PHLDB2: variants seen among roughly 807,000 people sequenced by gnomAD.
The protein encoded by PHLDB2 is pleckstrin homology-like domain family B member 2.
A neutral mutation model predicts 123.6 loss-of-function variants in PHLDB2; 71 were observed. The observed-to-expected ratio is 0.57, with a 90% confidence interval of 0.47 to 0.70. PHLDB2 has a LOEUF of 0.70. PHLDB2 is among the 30% of genes least tolerant of loss of function. PHLDB2 has a pLI of 0.00. For missense variants in PHLDB2, 1,446 were observed against 1,519.5 expected, an observed-to-expected ratio of 0.95 and a Z score of 0.80; for synonymous variants, 547 against 541.6, an observed-to-expected ratio of 1.01 and a Z score of -0.14.
At chr3:111,840,890 A>T (rs2063662008) in intron 1 of PHLDB2, among the ~76,000 whole-genome samples, 1 of 152,182 alleles carries the variant, frequency 6.6e-6, no homozygotes. Context: ...TGCCTCTCAC[A>T]TTATAATAAT....
At chr3:111,927,232 C>G (rs1024553534) in intron 5 of PHLDB2, among the ~76,000 whole-genome samples, 1 of 43,720 alleles carries the variant, frequency 2.3e-5, no homozygotes, top group African/African-American at 5.0e-5. Flanking sequence ...ATGGACCTCC[C>G]TTAAAAATGA....
At position 111,891,326 on chromosome 3, in the gene PHLDB2, C is replaced by T. The variant is rs1229296730; in HGVS notation, c.1335+5914C>T. Among the ~76,000 whole-genome samples, 6 of 152,190 alleles carry T rather than the reference C, an allele frequency of 3.9e-5. No individual in the cohort carries two copies. The East Asian group carries it at 7.7e-4, about 20-fold the overall frequency. On this transcript the variant is annotated intron_variant, in intron 2 of 17. Coordinates refer to ENST00000431670, the MANE Select transcript of PHLDB2 (RefSeq NM_001134438.2). ...ATTTCCAGCCACTCCCCATCACTCA[C>T]GTTACTGCCTGAGCTCCAACTCCTG...
chr3:111,811,430 G>T (rs1168250439), intron 1 of PHLDB2, among the ~76,000 whole-genome samples: 1 of 152,072 alleles, frequency 6.6e-6, no homozygotes, highest in Non-Finnish European at 1.5e-5. Context: ...TTTCTCACTG[G>T]CAAATTAAAG....
chr3:111,780,368 A>G (rs1408343478), intron 1 of PHLDB2, among the ~76,000 whole-genome samples: 3 of 37,608 alleles, frequency 8.0e-5, no homozygotes, highest in Admixed American at 3.5e-4. Flanking sequence ...GAAGAAGAAG[A>G]AGAAGAAGAA....
intron 1 of PHLDB2, among the ~76,000 whole-genome samples, chr3:111,808,904 A>G (rs1331780882): frequency 6.6e-6 from 1 of 152,206 alleles, no homozygotes; most frequent in East Asian, 1.9e-4. Context: ...TTAGAACTCT[A>G]CTACTAGTAC....
At chr3:111,956,809 A>G (rs1251389558) in intron 12 of PHLDB2, among the ~76,000 whole-genome samples, 2 of 152,182 alleles carry the variant, frequency 1.3e-5, no homozygotes, top group African/African-American at 4.8e-5. Context: ...CCCAGGAGGG[A>G]TGGATCATAA....
intron 2 of PHLDB2, among the ~76,000 whole-genome samples, chr3:111,905,357 ATTTAT>A (rs1296198293): frequency 6.6e-6 from 1 of 150,472 alleles, no homozygotes; most frequent in African/African-American, 2.5e-5. Context: ...TTTTTAAGTC[ATTTAT>A]TTATTTATTT....
intron 12 of PHLDB2, among the ~76,000 whole-genome samples, chr3:111,954,959 G>A (rs1007268238): frequency 2.6e-5 from 4 of 152,026 alleles, no homozygotes; most frequent in Admixed American, 6.6e-5. Context: ...AAGCAGGCTG[G>A]AATTCGATTC....
chr3:111,920,274 G>T lies in PHLDB2; in HGVS notation c.1864-8G>T. 1 of 1,611,926 alleles carries T rather than the reference G, an allele frequency of 6.2e-7. No homozygotes were observed. The highest frequency in any genetic ancestry group is 8.5e-7 in the Non-Finnish European group (1 of 1,179,318). Reference sequence around the variant, plus strand: ...GAAACACTTCTGAGCTTTGGTTTGTGTCCTTAGTTGGATATGGAATGTGCT... The same window carrying T: ...GAAACACTTCTGAGCTTTGGTTTGTTTCCTTAGTTGGATATGGAATGTGCT... On this transcript the variant is annotated splice_polypyrimidine_tract_variant and splice_region_variant and intron_variant, in intron 4 of 17. Transcript: ENST00000431670.
chr3:111,946,923 TAGA>T (rs2070347908), intron 9 of PHLDB2, among the ~76,000 whole-genome samples: 1 of 152,134 alleles, frequency 6.6e-6, no homozygotes, highest in Admixed American at 6.5e-5. Flanking sequence ...GGCAGAGAGA[TAGA>T]AGGAGTTAGC....
intron 2 of PHLDB2, chr3:111,846,027 A>T (rs924693186): frequency 7.7e-7 from 1 of 1,305,926 alleles, no homozygotes; most frequent in Non-Finnish European, 1.1e-6. Context: ...TTTCAAGCAT[A>T]TACCCAGGAG....
At position 111,972,689 on chromosome 3, in the gene PHLDB2, A is replaced by C. The variant is rs1316970550; in HGVS notation, c.3536-1043A>C. Among the ~76,000 whole-genome samples the C allele has an allele frequency of 2.6e-5, 4 of 151,912 alleles. No homozygotes were observed. The East Asian group carries it at 7.7e-4, about 29-fold the overall frequency. On this transcript the variant is annotated intron_variant, in intron 16 of 17. Transcript: ENST00000431670. ...ATAGTATTTCAAGGGTTTTTTCCTT[A>C]GGAGCAGATACAGATCTACCTCCAT... is the stretch of plus-strand genomic sequence containing the variant.
intron 11 of PHLDB2, 40 bp downstream of exon 11, chr3:111,952,752 GTCT>G: frequency 1.3e-6 from 2 of 1,591,282 alleles, no homozygotes; most frequent in Non-Finnish European, 1.7e-6. Context: ...CATTCCATGA[GTCT>G]TCTTGTCATT....
chr3:111,923,647 CCCTCCAT>C (rs969225135), intron 5 of PHLDB2, among the ~76,000 whole-genome samples: 6 of 152,084 alleles, frequency 3.9e-5, no homozygotes, highest in Non-Finnish European at 5.9e-5. Flanking sequence ...CCACCCTCCA[CCCTCCAT>C]CCTCTAGTTT....
intron 12 of PHLDB2, chr3:111,957,659 T>C (rs1334455500): frequency 6.6e-6 from 1 of 152,244 alleles, no homozygotes. Flanking sequence ...AGTCAAAGGA[T>C]GAAAGGATTT....
chr3:111,813,719 T>G (rs1303217542), intron 1 of PHLDB2, among the ~76,000 whole-genome samples: 1 of 152,216 alleles, frequency 6.6e-6, no homozygotes, highest in African/African-American at 2.4e-5. Context: ...TGGTTCAGAC[T>G]TTCTCTTCTT....
chr3:111,933,983 CATAA>C (rs2107578508), intron 6 of PHLDB2, among the ~76,000 whole-genome samples: 1 of 152,248 alleles, frequency 6.6e-6, no homozygotes, highest in South Asian at 2.1e-4. Context: ...TTATGATTAA[CATAA>C]ATACTGTTTA....
chr3:111,937,513 A>G (rs1459005674), intron 6 of PHLDB2, among the ~76,000 whole-genome samples: 2 of 152,118 alleles, frequency 1.3e-5, no homozygotes, highest in African/African-American at 2.4e-5. Flanking sequence ...GCTTACACCT[A>G]TAATCCCAGG....
chr3:111,972,967 G>A (rs1319589974), intron 16 of PHLDB2, among the ~76,000 whole-genome samples: 1 of 152,008 alleles, frequency 6.6e-6, no homozygotes, highest in African/African-American at 2.4e-5. Flanking sequence ...CCACTACTAG[G>A]GTATGATAGA....
Sources: allele counts gnomAD v4.1 joint callset (sites outside exome capture counted in the v4.1 genomes callset), GRCh38; gene constraint gnomAD v4.1.1; transcripts MANE v1.5; gene names NCBI Gene and HGNC (gene_info 2026-07-23, HGNC 2026-07-21).